Variants in SMYD4 observed in about 807,000 individuals in gnomAD.
SMYD4 encodes SET and MYND domain containing 4.
In SMYD4, 68 loss-of-function variants were observed where a neutral mutation model predicts 72.8. The observed-to-expected ratio is 0.93, with a 90% confidence interval of 0.77 to 1.14. The LOEUF (loss-of-function observed/expected upper bound fraction) is 1.14, where lower values mean the gene tolerates loss of function less well. Ranked by LOEUF, SMYD4 falls within the 50% of genes most tolerant of loss-of-function variation. The pLI, the probability that SMYD4 is intolerant of heterozygous loss-of-function variation, is 0.00. For synonymous variants in SMYD4, 407 were observed against 388.6 expected (o/e 1.05, Z -0.56); for missense variants, 984 against 1,003.7 (o/e 0.98, Z 0.27).
intron 3 of SMYD4, among the ~76,000 whole-genome samples, chr17:1,805,522 T>C (rs1382108443): frequency 1.3e-5 from 2 of 151,692 alleles, no homozygotes; most frequent in African/African-American, 4.8e-5. Flanking sequence ...GTAAAACTAC[T>C]GGGATGAGAC....
At chr17:1,828,233 C>G (rs934132132) in intron 1 of SMYD4, among the ~76,000 whole-genome samples, 1 of 151,838 alleles carries the variant, frequency 6.6e-6, no homozygotes, top group African/African-American at 2.4e-5. Context: ...CACTTGTAGT[C>G]CCAGCTACTC....
At chr17:1,803,669 T>C (rs1476997374) in intron 4 of SMYD4, among the ~76,000 whole-genome samples, 1 of 151,864 alleles carries the variant, frequency 6.6e-6, no homozygotes, top group African/African-American at 2.4e-5. Flanking sequence ...CAGCTGATTT[T>C]TGTATTTTTA....
intron 2 of SMYD4, among the ~76,000 whole-genome samples, chr17:1,827,264 C>T (rs190976074): frequency 1.3e-5 from 2 of 151,410 alleles, no homozygotes; most frequent in East Asian, 1.9e-4. Flanking sequence ...ATTGCCTGAA[C>T]CCGGGAGGCG....
At chr17:1,820,545 T>C (rs1910836080) in intron 2 of SMYD4, among the ~76,000 whole-genome samples, 2 of 152,346 alleles carry the variant, frequency 1.3e-5, no homozygotes, top group East Asian at 3.9e-4. Context: ...ATACCTGGCC[T>C]ACGCTCTTTT....
intron 4 of SMYD4, 126 bp downstream of exon 4, chr17:1,804,500 C>A (rs1192623271): frequency 4.8e-6 from 4 of 828,748 alleles, no homozygotes; most frequent in Non-Finnish European, 1.9e-6. Flanking sequence ...AATGTGCTTC[C>A]AATTCAACCA....
intron 3 of SMYD4, among the ~76,000 whole-genome samples, chr17:1,805,966 C>T (rs1910010991): frequency 6.6e-6 from 1 of 150,428 alleles, no homozygotes; most frequent in African/African-American, 2.4e-5. Flanking sequence ...CTCTGTCGCC[C>T]AGGCTGGAGT....
At chr17:1,792,192 G>A (rs1157435502) in intron 5 of SMYD4, among the ~76,000 whole-genome samples, 8 of 151,940 alleles carry the variant, frequency 5.3e-5, no homozygotes, top group African/African-American at 1.9e-4. Flanking sequence ...ACAGGCGCCC[G>A]CAACCACGCC....
At chr17:1,798,503 C>T (rs1284327634) in intron 5 of SMYD4, among the ~76,000 whole-genome samples, 1 of 152,092 alleles carries the variant, frequency 6.6e-6, no homozygotes, top group Non-Finnish European at 1.5e-5. Flanking sequence ...TGGTTCACAC[C>T]TGTAATCCCA....
At chr17:1,786,542 C>G (rs4790822) in intron 7 of SMYD4, among the ~76,000 whole-genome samples, 117,073 of 152,092 alleles carry the variant, frequency 0.77, 45,637 homozygotes, top group African/African-American at 0.9. Context: ...TGACTGACTT[C>G]AGCAAATAAA....
intron 5 of SMYD4, among the ~76,000 whole-genome samples, chr17:1,789,493 G>A (rs1022582993): frequency 6.6e-6 from 1 of 152,080 alleles, no homozygotes; most frequent in African/African-American, 2.4e-5. Flanking sequence ...GCCAGGTGCA[G>A]AGGCTCACGC....
intron 3 of SMYD4, among the ~76,000 whole-genome samples, chr17:1,806,550 G>GA (rs958468447): frequency 4.0e-5 from 6 of 151,694 alleles, no homozygotes; most frequent in East Asian, 1.9e-4. Context: ...CTAAATATGT[G>GA]AAAAAAAATG....
At chr17:1,803,325 T>C (rs2151237438) in intron 4 of SMYD4, among the ~76,000 whole-genome samples, 1 of 152,334 alleles carries the variant, frequency 6.6e-6, no homozygotes. Flanking sequence ...GAGCTATTAC[T>C]ACAGGGATAA....
At chr17:1,783,288 C>A in intron 9 of SMYD4, 72 bp downstream of exon 9, 1 of 1,610,538 alleles carries the variant, frequency 6.2e-7, no homozygotes, top group Non-Finnish European at 8.5e-7. Context: ...ACCAGGCAGA[C>A]AAGGCCGGGG....
intron 2 of SMYD4, among the ~76,000 whole-genome samples, chr17:1,817,662 C>T (rs1438564940): frequency 6.6e-6 from 1 of 152,114 alleles, no homozygotes; most frequent in Non-Finnish European, 1.5e-5. Context: ...TGATAAAGTA[C>T]AGTTTATTTT....
intron 5 of SMYD4, among the ~76,000 whole-genome samples, chr17:1,798,471 A>G (rs1909524187): frequency 6.6e-6 from 1 of 152,092 alleles, no homozygotes; most frequent in Admixed American, 6.6e-5. Flanking sequence ...TTCATAACCA[A>G]AAAAATTCGG....
At chr17:1,788,110 G>A (rs1190892254) in intron 5 of SMYD4, among the ~76,000 whole-genome samples, 2 of 152,080 alleles carry the variant, frequency 1.3e-5, no homozygotes. Context: ...GAAATCCCGA[G>A]GCTCACGCAG....
intron 2 of SMYD4, among the ~76,000 whole-genome samples, chr17:1,827,398 C>A (rs867058418): frequency 1.3e-5 from 2 of 151,278 alleles, no homozygotes; most frequent in African/African-American, 4.9e-5. Context: ...TCCCTTCCCT[C>A]ATGAAGTTCA....
chr17:1,826,863 C>A (rs1205021496), intron 2 of SMYD4, among the ~76,000 whole-genome samples: 1 of 152,070 alleles, frequency 6.6e-6, no homozygotes, highest in African/African-American at 2.4e-5. Flanking sequence ...TATAGAAAGA[C>A]AAACAGGCCG....
At chr17:1,798,018 A>G (rs1375965095) in intron 5 of SMYD4, among the ~76,000 whole-genome samples, 1 of 151,914 alleles carries the variant, frequency 6.6e-6, no homozygotes, top group Non-Finnish European at 1.5e-5. Context: ...AAAAAGAAAA[A>G]AAGGACTTTG....
Sources: gnomAD v4.1 joint callset for allele counts (sites outside exome capture counted in the v4.1 genomes callset) on GRCh38, gnomAD v4.1.1 for gene constraint, MANE v1.5 for transcripts, NCBI Gene and HGNC (gene_info 2026-07-23, HGNC 2026-07-21) for gene names.